EDIL3: variants seen among roughly 807,000 people sequenced by gnomAD.
EDIL3 encodes EGF-like repeat and discoidin I-like domain-containing protein 3.
EDIL3 carries 37 observed loss-of-function variants against 67.4 expected under a neutral mutation model. The observed-to-expected ratio is 0.55, with a 90% confidence interval of 0.42 to 0.72. The LOEUF (loss-of-function observed/expected upper bound fraction) is 0.72, where lower values mean the gene tolerates loss of function less well. Ranked by LOEUF, EDIL3 falls within the 30% of genes least tolerant of loss-of-function variation. The pLI is 0.00. For missense variants in EDIL3, 527 were observed against 586.3 expected (o/e 0.90, Z 1.04); for synonymous variants, 195 against 196.3 (o/e 0.99, Z 0.05).
intron 4 of EDIL3, among the ~76,000 whole-genome samples, chr5:84,150,256 G>A (rs1748366001): frequency 6.6e-6 from 1 of 152,048 alleles, no homozygotes; most frequent in Non-Finnish European, 1.5e-5. Flanking sequence ...ACTCAAAATA[G>A]ATTGTAGATT....
intron 6 of EDIL3, among the ~76,000 whole-genome samples, chr5:84,066,832 C>T (rs1303601420): frequency 6.6e-6 from 1 of 152,134 alleles, no homozygotes; most frequent in African/African-American, 2.4e-5. Flanking sequence ...TGTGAACAGG[C>T]TTTGAAAAGG....
rs1485442364 is a variant in EDIL3, at chr5:84,065,811, T to C, written c.807+640A>G. 2.0e-5 allele frequency among the ~76,000 whole-genome samples: 3 copies of C among 152,230 alleles called. No homozygotes were observed. The East Asian group carries it at 5.8e-4, about 29-fold the overall frequency. On this transcript the variant is annotated intron_variant, in intron 7 of 10. Transcript: ENST00000296591. ...ATAGTTTTCATTAATATAATAGTTA[T>C]CTCATTAAGGAGTGCGTTAATCAGC... is the stretch of plus-strand genomic sequence containing the variant.
intron 1 of EDIL3, among the ~76,000 whole-genome samples, chr5:84,378,762 A>G (rs1256253249): frequency 6.6e-6 from 1 of 152,226 alleles, no homozygotes; most frequent in African/African-American, 2.4e-5. Flanking sequence ...TTTAGGCAGG[A>G]CAGTGTGATC....
At chr5:84,254,453 T>C (rs116593559) in intron 1 of EDIL3, among the ~76,000 whole-genome samples, 5,140 of 152,320 alleles carry the variant, frequency 0.034, 120 homozygotes, top group Non-Finnish European at 0.051. Context: ...TTGGTTCAGT[T>C]TGGAGTTCCT....
intron 2 of EDIL3, among the ~76,000 whole-genome samples, chr5:84,249,206 GT>G (rs1744971982): frequency 6.6e-6 from 1 of 151,692 alleles, no homozygotes; most frequent in African/African-American, 2.4e-5. Context: ...AGGTTTTGTT[GT>G]TTGTTGTAGT....
chr5:84,197,878 C>T (rs13183475), intron 3 of EDIL3, among the ~76,000 whole-genome samples: 18,599 of 151,686 alleles, frequency 0.12, 1,335 homozygotes, highest in Non-Finnish European at 0.16. Context: ...GACATTTAAG[C>T]AAGAAATGGC....
chr5:84,257,535 T>C (rs1745143510), intron 1 of EDIL3, among the ~76,000 whole-genome samples: 1 of 152,174 alleles, frequency 6.6e-6, no homozygotes, highest in Non-Finnish European at 1.5e-5. Context: ...AGATGATATT[T>C]TGACCAAATT....
intron 1 of EDIL3, among the ~76,000 whole-genome samples, chr5:84,381,381 C>T (rs543467499): frequency 6.6e-6 from 1 of 151,914 alleles, no homozygotes; most frequent in African/African-American, 2.4e-5. Flanking sequence ...TACCTTGACT[C>T]TGAAGTTAGC....
chr5:84,117,020 A>ACTTTTTTT (rs71605897), intron 5 of EDIL3, among the ~76,000 whole-genome samples: 2 of 83,236 alleles, frequency 2.4e-5, no homozygotes, highest in African/African-American at 4.7e-5. Flanking sequence ...TTAAGTACTT[A>ACTTTTTTT]TTTTTTTTTT....
intron 3 of EDIL3, among the ~76,000 whole-genome samples, chr5:84,182,214 C>T (rs748884340): frequency 1.3e-5 from 2 of 151,530 alleles, no homozygotes; most frequent in Non-Finnish European, 2.9e-5. Context: ...ATTGCTTGAG[C>T]CCAGGAGTTC....
intron 5 of EDIL3, among the ~76,000 whole-genome samples, chr5:84,132,386 ATTT>A (rs1561440597): frequency 4.9e-4 from 23 of 47,002 alleles, no homozygotes; most frequent in African/African-American, 1.9e-3. Context: ...TATATAATAT[ATTT>A]TATATATAAT....
At chr5:84,274,908 T>C (rs1445746) in intron 1 of EDIL3, among the ~76,000 whole-genome samples, 123,722 of 152,170 alleles carry the variant, frequency 0.81, 50,653 homozygotes, top group East Asian at 0.95. Context: ...TGTATGCTCA[T>C]AAATGTATAT....
At chr5:84,268,112 G>A (rs1745387280) in intron 1 of EDIL3, among the ~76,000 whole-genome samples, 1 of 151,884 alleles carries the variant, frequency 6.6e-6, no homozygotes, top group African/African-American at 2.4e-5. Flanking sequence ...ACTCCAAGCT[G>A]GGTGACAGAG....
chr5:84,105,993 C>G (rs1370878697), intron 6 of EDIL3, among the ~76,000 whole-genome samples: 1 of 152,106 alleles, frequency 6.6e-6, no homozygotes, highest in African/African-American at 2.4e-5. Flanking sequence ...TACTCTTTCA[C>G]AGACATCAGT....
chr5:84,209,468 A>C (rs1744069094), intron 3 of EDIL3, among the ~76,000 whole-genome samples: 1 of 152,122 alleles, frequency 6.6e-6, no homozygotes, highest in Non-Finnish European at 1.5e-5. Context: ...AGAATGAATA[A>C]ATGTATACTT....
chr5:84,076,010 ATATAT>A (rs1746850387), intron 6 of EDIL3, among the ~76,000 whole-genome samples: 1 of 149,986 alleles, frequency 6.7e-6, no homozygotes, highest in African/African-American at 2.4e-5. Context: ...CAAATTAAAA[ATATAT>A]TAATTCACCT....
chr5:84,141,248 T>A (rs966199956), intron 4 of EDIL3, among the ~76,000 whole-genome samples: 1 of 151,208 alleles, frequency 6.6e-6, no homozygotes, highest in Admixed American at 6.6e-5. Flanking sequence ...ATAATAATAA[T>A]ATCATTTATA....
chr5:84,195,560 G>C (rs577819026), intron 3 of EDIL3, among the ~76,000 whole-genome samples: 2 of 152,016 alleles, frequency 1.3e-5, no homozygotes, highest in Admixed American at 1.3e-4. Context: ...AGTTATAAAC[G>C]TGTACACTTG....
At chr5:84,075,248 T>C (rs1270920585) in intron 6 of EDIL3, among the ~76,000 whole-genome samples, 1 of 151,920 alleles carries the variant, frequency 6.6e-6, no homozygotes, top group Non-Finnish European at 1.5e-5. Flanking sequence ...TACCTAATGC[T>C]AAATGACGAG....
Sources: allele counts gnomAD v4.1 joint callset (sites outside exome capture counted in the v4.1 genomes callset), GRCh38; gene constraint gnomAD v4.1.1; transcripts MANE v1.5; gene names NCBI Gene and HGNC (gene_info 2026-07-23, HGNC 2026-07-21).